The following FNIP1 variants were observed in gnomAD, a reference collection of about 807,000 sequenced individuals.
FNIP1 encodes the protein folliculin-interacting protein 1.
Under a neutral mutation model 124.5 loss-of-function variants are expected in FNIP1, and 40 were observed. The observed-to-expected ratio is 0.32, with a 90% confidence interval of 0.25 to 0.42. The LOEUF is 0.42. Ranked by LOEUF, FNIP1 falls within the 10% of genes least tolerant of loss-of-function variation. The probability of loss-of-function intolerance (pLI) is 1.00; values close to 1 mark genes in which losing one functional copy is unlikely to be tolerated. For missense variants in FNIP1, 1,176 were observed against 1,403.7 expected (o/e 0.84, Z 2.59); for synonymous variants, 472 against 470.6 (o/e 1.00, Z -0.04).
At chr5:131,705,385 A>C (rs939755178) in intron 9 of FNIP1, among the ~76,000 whole-genome samples, 1 of 152,026 alleles carries the variant, frequency 6.6e-6, no homozygotes, top group Non-Finnish European at 1.5e-5. Context: ...AGGTGGAAGG[A>C]TCACCTGAGC....
Position 131,644,424 on chromosome 5 carries a change from A to C in FNIP1, c.*261T>G. ...CATTTTGTAGAAATTTCTACCGTAC[A>C]CTTTGGCTTTTTCAAATGCTTCAAA... On this transcript the variant is annotated 3_prime_UTR_variant, in exon 18 of 18. Transcript: ENST00000510461. 3.2e-6 allele frequency: 1 copy of C among 307,926 alleles called. No homozygotes were observed. The highest frequency in any genetic ancestry group is 6.1e-6 in the Non-Finnish European group (1 of 164,914). 19.1% of individuals were successfully genotyped at this position (307,926 alleles called of 1,614,324 possible).
intron 1 of FNIP1, among the ~76,000 whole-genome samples, chr5:131,771,811 A>G (rs1340032671): frequency 6.6e-6 from 1 of 152,018 alleles, no homozygotes; most frequent in African/African-American, 2.4e-5. Flanking sequence ...TGTCACATTT[A>G]CCTTCCCTTC....
At chr5:131,722,815 A>G (rs1048044480) in intron 3 of FNIP1, among the ~76,000 whole-genome samples, 2 of 152,178 alleles carry the variant, frequency 1.3e-5, no homozygotes, top group Non-Finnish European at 2.9e-5. Flanking sequence ...CATCCCGAGT[A>G]GCTGGCAATA....
intron 2 of FNIP1, among the ~76,000 whole-genome samples, chr5:131,732,805 A>C (rs1170583784): frequency 6.6e-6 from 1 of 152,106 alleles, no homozygotes; most frequent in African/African-American, 2.4e-5. Context: ...TTGACTTGGC[A>C]ATGTGGGCTC....
intron 16 of FNIP1, among the ~76,000 whole-genome samples, chr5:131,649,193 T>C (rs1035572870): frequency 6.6e-6 from 1 of 152,218 alleles, no homozygotes; most frequent in Non-Finnish European, 1.5e-5. Context: ...TAATAGATCA[T>C]ATGGTAATAT....
chr5:131,661,371 C>T (rs1767431625), intron 15 of FNIP1, among the ~76,000 whole-genome samples: 2 of 152,036 alleles, frequency 1.3e-5, no homozygotes, highest in Non-Finnish European at 2.9e-5. Context: ...CAGGTTTGAC[C>T]TGGGGTGACT....
At chr5:131,783,124 C>T (rs913765428) in intron 1 of FNIP1, among the ~76,000 whole-genome samples, 1 of 152,126 alleles carries the variant, frequency 6.6e-6, no homozygotes, top group African/African-American at 2.4e-5. Flanking sequence ...TATTTACTGG[C>T]CTAGAATTGA....
chr5:131,653,145 T>C (rs931182526), intron 15 of FNIP1, among the ~76,000 whole-genome samples: 4 of 152,154 alleles, frequency 2.6e-5, no homozygotes, highest in African/African-American at 9.7e-5. Flanking sequence ...TTTTTCTGTT[T>C]GACTAAGACA....
chr5:131,646,365 A>C (rs939344692), intron 17 of FNIP1, among the ~76,000 whole-genome samples: 4 of 152,250 alleles, frequency 2.6e-5, no homozygotes, highest in African/African-American at 9.6e-5. Context: ...GTAAGAATGA[A>C]GAAATAACAC....
At chr5:131,650,655 T>G (rs992252799) in intron 16 of FNIP1, among the ~76,000 whole-genome samples, 5 of 152,238 alleles carry the variant, frequency 3.3e-5, no homozygotes, top group African/African-American at 7.2e-5. Flanking sequence ...AGTAGCATGT[T>G]GAACAGAAGT....
At position 131,796,961 on chromosome 5, in the gene FNIP1, T is replaced by C; in HGVS notation, c.-40A>G. 1.3e-6 allele frequency: 2 copies of C among 1,549,194 alleles called. No homozygotes were observed. The highest frequency in any genetic ancestry group is 1.8e-6 in the Non-Finnish European group (2 of 1,141,530). On this transcript the variant is annotated 5_prime_UTR_variant, in exon 1 of 18. Transcript: ENST00000510461. ...GGCAGGGGTCGCTCCGCTGGGCGCTTGCTAGGCCCCTGCTCCTACAGCCGC... is the reference window on the plus strand; with the variant it reads ...GGCAGGGGTCGCTCCGCTGGGCGCTCGCTAGGCCCCTGCTCCTACAGCCGC...
chr5:131,698,841 A>C, intron 11 of FNIP1, 76 bp downstream of exon 11: 1 of 1,280,382 alleles, frequency 7.8e-7, no homozygotes, highest in Admixed American at 2.5e-5. Flanking sequence ...ATTTTATTAG[A>C]ACAAGTTAAA....
chr5:131,664,634 C>CAAAAAAAAAA (rs33956526), intron 15 of FNIP1, among the ~76,000 whole-genome samples: 4 of 77,408 alleles, frequency 5.2e-5, no homozygotes, highest in East Asian at 4.0e-4. Flanking sequence ...GACCCTGTCT[C>CAAAAAAAAAA]AAAAAAAAAA....
intron 1 of FNIP1, among the ~76,000 whole-genome samples, chr5:131,776,469 T>C (rs1771810245): frequency 6.6e-6 from 1 of 152,162 alleles, no homozygotes; most frequent in South Asian, 2.1e-4. Flanking sequence ...TAGTCAAAAA[T>C]TGGAAATAAC....
Position 131,672,328 on chromosome 5 carries a change from A to G in FNIP1, c.2116T>C (p.Trp706Arg), listed in dbSNP as rs781161480. ...GAATCCAGCAACTTCTCACTCTGCC[A>G]TGTTTCCTCTGTTGACTCTAAGCCT... Reference protein sequence around the residue: ...ESGLESTEETWQSEKLLDSDS... With the variant: ...ESGLESTEETRQSEKLLDSDS... Residue 706 changes from tryptophan to arginine, a missense_variant, in exon 14 of 18, where the codon TGG becomes CGG. This residue lies in a region of FNIP1 where 1,109 missense variants were observed against 1,288.5 expected (regional missense o/e 0.86). Transcript: ENST00000510461. 1.2e-6 allele frequency: 2 copies of G among 1,614,070 alleles called. No individual in the cohort carries two copies. The highest frequency in any genetic ancestry group is 4.5e-5 in the East Asian group (2 of 44,894).
chr5:131,732,554 C>A (rs377376603), intron 2 of FNIP1, among the ~76,000 whole-genome samples: 1 of 152,186 alleles, frequency 6.6e-6, no homozygotes, highest in Admixed American at 6.5e-5. Flanking sequence ...ATATGGCTAG[C>A]CAGTTTTCCC....
chr5:131,777,139 T>C (rs1352498679), intron 1 of FNIP1, among the ~76,000 whole-genome samples: 1 of 145,624 alleles, frequency 6.9e-6, no homozygotes, highest in East Asian at 1.9e-4. Flanking sequence ...CTACTATACA[T>C]ATATATATAT....
At chr5:131,741,554 A>T (rs558659687) in intron 2 of FNIP1, among the ~76,000 whole-genome samples, 1 of 152,354 alleles carries the variant, frequency 6.6e-6, no homozygotes, top group Admixed American at 6.5e-5. Context: ...GCTTATATTA[A>T]TAAACTGCTG....
At chr5:131,670,975 G>A (rs1228610457) in intron 14 of FNIP1, among the ~76,000 whole-genome samples, 2 of 152,236 alleles carry the variant, frequency 1.3e-5, no homozygotes, top group East Asian at 3.9e-4. Context: ...TGTACCTTGT[G>A]TTTGTAGCAC....
Sources: allele counts gnomAD v4.1 joint callset (sites outside exome capture counted in the v4.1 genomes callset), GRCh38; gene constraint gnomAD v4.1.1; regional missense constraint gnomAD v4.1.1; transcripts MANE v1.5; gene names NCBI Gene and HGNC (gene_info 2026-07-23, HGNC 2026-07-21).